HECW1: variants seen among roughly 807,000 people sequenced by gnomAD.
HECW1 encodes the protein E3 ubiquitin-protein ligase HECW1.
In HECW1, 61 loss-of-function variants were observed where a neutral mutation model predicts 182.3. The observed-to-expected ratio is 0.33, with a 90% confidence interval of 0.27 to 0.41. The LOEUF (loss-of-function observed/expected upper bound fraction) is 0.41. Among genes scored for constraint, HECW1 ranks in the 10% least tolerant of loss-of-function variants. HECW1 has a pLI of 1.00. For missense variants in HECW1, 1,739 were observed against 2,108.9 expected (o/e 0.82, Z 3.44); for synonymous variants, 859 against 832.6 (o/e 1.03, Z -0.55).
chr7:43,381,943 T>C (rs980991542), intron 6 of HECW1, among the ~76,000 whole-genome samples: 1 of 151,796 alleles, frequency 6.6e-6, no homozygotes, highest in East Asian at 1.9e-4. Context: ...TGATTACAGG[T>C]GTGAGTCACC....
At chr7:43,544,616 C>T (rs556247590) in intron 26 of HECW1, among the ~76,000 whole-genome samples, 3 of 152,176 alleles carry the variant, frequency 2.0e-5, no homozygotes, top group South Asian at 2.1e-4. Context: ...TTTGTCCTAC[C>T]GATACATTAA....
intron 2 of HECW1, among the ~76,000 whole-genome samples, chr7:43,196,102 T>G (rs192533316): frequency 6.6e-6 from 1 of 152,204 alleles, no homozygotes; most frequent in Non-Finnish European, 1.5e-5. Context: ...TTGCTAGTCA[T>G]GTGAAACTGC....
chr7:43,474,253 C>G (rs371382026), intron 16 of HECW1, among the ~76,000 whole-genome samples: 1 of 151,982 alleles, frequency 6.6e-6, no homozygotes, highest in Non-Finnish European at 1.5e-5. Flanking sequence ...ATCGAGACCA[C>G]CCTAGCTAAC....
intron 6 of HECW1, among the ~76,000 whole-genome samples, chr7:43,362,586 G>T (rs900055183): frequency 1.3e-5 from 2 of 152,314 alleles, no homozygotes; most frequent in Middle Eastern, 3.4e-3. Flanking sequence ...CTCAAAAGAG[G>T]GTACCCCTTA....
At chr7:43,354,955 A>T (rs1814917886) in intron 5 of HECW1, among the ~76,000 whole-genome samples, 1 of 152,074 alleles carries the variant, frequency 6.6e-6, no homozygotes, top group South Asian at 2.1e-4. Flanking sequence ...ACTCCAGTTC[A>T]TCAGGCAGCA....
intron 6 of HECW1, among the ~76,000 whole-genome samples, chr7:43,390,635 A>C (rs1022581330): frequency 1.3e-5 from 2 of 152,082 alleles, no homozygotes; most frequent in Admixed American, 1.3e-4. Context: ...GATCTGAGGA[A>C]ATGACCCCAG....
At chr7:43,381,680 C>T (rs2152827743) in intron 6 of HECW1, among the ~76,000 whole-genome samples, 1 of 152,258 alleles carries the variant, frequency 6.6e-6, no homozygotes, top group East Asian at 1.9e-4. Flanking sequence ...TGTGCCACCA[C>T]ACCCAGCTAA....
At chr7:43,363,989 G>A (rs1387147678) in intron 6 of HECW1, among the ~76,000 whole-genome samples, 3 of 152,188 alleles carry the variant, frequency 2.0e-5, no homozygotes, top group Non-Finnish European at 4.4e-5. Context: ...AAGGGGAAAT[G>A]CTGTGAGGTT....
chr7:43,270,424 T>C (rs887145765), intron 3 of HECW1, among the ~76,000 whole-genome samples: 3 of 152,180 alleles, frequency 2.0e-5, no homozygotes, highest in African/African-American at 7.2e-5. Context: ...CAGGACTGCA[T>C]GTGCATCCTC....
chr7:43,142,386 A>G (rs1360984791), intron 2 of HECW1, among the ~76,000 whole-genome samples: 1 of 152,154 alleles, frequency 6.6e-6, no homozygotes, highest in African/African-American at 2.4e-5. Context: ...AAATTCTTAG[A>G]AATGTATTCA....
chr7:43,296,511 G>A (rs936695365), intron 3 of HECW1, among the ~76,000 whole-genome samples: 11 of 152,220 alleles, frequency 7.2e-5, no homozygotes, highest in African/African-American at 1.4e-4. Context: ...ACTTGGCGGC[G>A]CAGCTGTGGA....
At chr7:43,255,425 C>G (rs919513270) in intron 3 of HECW1, among the ~76,000 whole-genome samples, 1 of 151,810 alleles carries the variant, frequency 6.6e-6, no homozygotes, top group African/African-American at 2.4e-5. Flanking sequence ...ATGGTGAAAC[C>G]CCCTCTCTAC....
At chr7:43,481,974 CAAAA>C (rs767419071) in intron 17 of HECW1, among the ~76,000 whole-genome samples, 6 of 81,796 alleles carry the variant, frequency 7.3e-5, no homozygotes, top group Admixed American at 1.3e-4. Context: ...GACTCCATCT[CAAAA>C]AAAAAAAAAA....
chr7:43,294,710 G>C (rs1443464650), intron 3 of HECW1, among the ~76,000 whole-genome samples: 1 of 152,182 alleles, frequency 6.6e-6, no homozygotes, highest in Non-Finnish European at 1.5e-5. Context: ...AGGTGGAAGA[G>C]AGTTTAAGCC....
At chr7:43,468,669 T>C (rs2077889298) in intron 15 of HECW1, among the ~76,000 whole-genome samples, 1 of 152,126 alleles carries the variant, frequency 6.6e-6, no homozygotes, top group Non-Finnish European at 1.5e-5. Context: ...CACAAGCACA[T>C]GCCACCATGC....
intron 6 of HECW1, among the ~76,000 whole-genome samples, chr7:43,396,466 C>A (rs1160805023): frequency 6.6e-6 from 1 of 152,228 alleles, no homozygotes; most frequent in Non-Finnish European, 1.5e-5. Context: ...ATTGACCTAT[C>A]ATTCTAGTGC....
chr7:43,264,959 CT>C (rs965262573), intron 3 of HECW1, among the ~76,000 whole-genome samples: 2 of 151,930 alleles, frequency 1.3e-5, no homozygotes, highest in Admixed American at 6.6e-5. Flanking sequence ...GAATTTGCTC[CT>C]CCATTTTTTC....
chr7:43,162,699 A>G (rs74735666), intron 2 of HECW1, among the ~76,000 whole-genome samples: 12,945 of 152,290 alleles, frequency 0.085, 713 homozygotes, highest in African/African-American at 0.15. Context: ...AAAACTGAGT[A>G]AGATCTCACT....
intron 5 of HECW1, among the ~76,000 whole-genome samples, chr7:43,341,784 A>G (rs1813032704): frequency 1.3e-5 from 2 of 151,860 alleles, no homozygotes; most frequent in Admixed American, 1.3e-4. Flanking sequence ...AATCCAAGTT[A>G]GATGATACCT....
Sources: allele counts gnomAD v4.1 joint callset (sites outside exome capture counted in the v4.1 genomes callset), GRCh38; gene constraint gnomAD v4.1.1; transcripts MANE v1.5; gene names NCBI Gene and HGNC (gene_info 2026-07-23, HGNC 2026-07-21).